The following GPC5 variants were observed in gnomAD, a reference collection of about 807,000 sequenced individuals.
GPC5 encodes the protein glypican-5.
In GPC5, 47 loss-of-function variants were observed where a neutral mutation model predicts 53.9. The ratio of observed to expected loss-of-function variants is 0.87; its 90% CI spans 0.69 to 1.11. GPC5 has a LOEUF of 1.11. GPC5 is among the 50% of genes most tolerant of loss of function. The pLI, the probability that GPC5 is intolerant of heterozygous loss-of-function variation, is 0.00. For missense variants in GPC5, 748 were observed against 713.1 expected (o/e 1.05, Z -0.56); for synonymous variants, 286 against 263.3 (o/e 1.09, Z -0.84).
chr13:91,838,634 A>C (rs535007435), intron 5 of GPC5, among the ~76,000 whole-genome samples: 1 of 152,184 alleles, frequency 6.6e-6, no homozygotes, highest in Admixed American at 6.5e-5. Flanking sequence ...AAGATTGGAA[A>C]TGAATATGGA....
At chr13:92,798,123 G>A (rs577401363) in intron 7 of GPC5, among the ~76,000 whole-genome samples, 13 of 151,924 alleles carry the variant, frequency 8.6e-5, no homozygotes, top group African/African-American at 3.1e-4. Flanking sequence ...TGAAAATGAC[G>A]AGACACAGCA....
At chr13:91,675,736 T>C (rs188144070) in intron 2 of GPC5, among the ~76,000 whole-genome samples, 1 of 152,258 alleles carries the variant, frequency 6.6e-6, no homozygotes, top group Non-Finnish European at 1.5e-5. Context: ...AAAAATGGAC[T>C]GTGTGAAGGG....
At chr13:91,890,353 C>G (rs1386789371) in intron 5 of GPC5, among the ~76,000 whole-genome samples, 1 of 152,118 alleles carries the variant, frequency 6.6e-6, no homozygotes, top group Non-Finnish European at 1.5e-5. Flanking sequence ...AAAAATTTCA[C>G]ATTTTTCTAC....
At chr13:92,039,615 G>A (rs2040926099) in intron 6 of GPC5, among the ~76,000 whole-genome samples, 1 of 152,200 alleles carries the variant, frequency 6.6e-6, no homozygotes, top group Non-Finnish European at 1.5e-5. Context: ...CACAGGCAGG[G>A]TCGCTTAAAT....
At chr13:92,808,146 A>G (rs911392056) in intron 7 of GPC5, among the ~76,000 whole-genome samples, 4 of 139,542 alleles carry the variant, frequency 2.9e-5, no homozygotes, top group Non-Finnish European at 6.1e-5. Flanking sequence ...AAGGAAAAAT[A>G]AACAAAACAT....
intron 6 of GPC5, among the ~76,000 whole-genome samples, chr13:92,112,711 C>A (rs1304055496): frequency 6.6e-6 from 1 of 151,942 alleles, no homozygotes; most frequent in East Asian, 1.9e-4. Flanking sequence ...TTGTAACAGT[C>A]ATTTGTGTCC....
chr13:91,477,469 G>C (rs1882997378), intron 2 of GPC5, among the ~76,000 whole-genome samples: 1 of 152,182 alleles, frequency 6.6e-6, no homozygotes, highest in South Asian at 2.1e-4. Context: ...TGTTTTGACA[G>C]TGGTATGAAT....
At position 92,042,651 on chromosome 13, in the gene GPC5, A is replaced by T. The variant is rs951324938; in HGVS notation, c.1402-102179A>T. 2.8e-4 allele frequency among the ~76,000 whole-genome samples: 43 copies of T among 152,238 alleles called. 1 individual carries two copies. Among genetic ancestry groups the T allele is most frequent in the Admixed American group, 2.7e-3 (42 of 15,280 alleles). ...AGTGAGGGGTAATCAGATTTGCTGC[A>T]ATGTATTATTTTAAATGTTTAATTA... On this transcript the variant is annotated intron_variant, in intron 6 of 7. Coordinates refer to ENST00000377067, the MANE Select transcript of GPC5 (RefSeq NM_004466.6).
chr13:91,736,986 C>A (rs1254346933), intron 4 of GPC5, among the ~76,000 whole-genome samples: 1 of 150,988 alleles, frequency 6.6e-6, no homozygotes, highest in South Asian at 2.1e-4. Context: ...TGATGGTAGT[C>A]CCAGCTATTC....
intron 7 of GPC5, among the ~76,000 whole-genome samples, chr13:92,322,209 G>A (rs1406764695): frequency 1.3e-5 from 2 of 151,954 alleles, no homozygotes; most frequent in Non-Finnish European, 2.9e-5. Flanking sequence ...AGTAAGTGCA[G>A]AGCTTTAGTT....
At chr13:91,406,774 G>A (rs543550952) in intron 1 of GPC5, among the ~76,000 whole-genome samples, 1 of 152,148 alleles carries the variant, frequency 6.6e-6, no homozygotes, top group East Asian at 1.9e-4. Context: ...TCTCTGGAAG[G>A]TCTCCTGTTG....
chr13:91,807,991 A>G (rs1364090875), intron 5 of GPC5, among the ~76,000 whole-genome samples: 3 of 152,142 alleles, frequency 2.0e-5, no homozygotes, highest in Non-Finnish European at 4.4e-5. Context: ...TGTTGAATGT[A>G]TTTGGCATAG....
chr13:91,705,521 A>G (rs749902159), intron 3 of GPC5, among the ~76,000 whole-genome samples: 1 of 152,228 alleles, frequency 6.6e-6, no homozygotes. Flanking sequence ...CAATATGGAT[A>G]GTCTGATTTA....
At chr13:92,459,528 T>C (rs1282090721) in intron 7 of GPC5, among the ~76,000 whole-genome samples, 2 of 152,216 alleles carry the variant, frequency 1.3e-5, no homozygotes, top group East Asian at 1.9e-4. Flanking sequence ...GGTTCAAATA[T>C]GACAAATTTT....
rs35892694 is a variant in GPC5, at chr13:92,513,471, G to GTTT, written c.1562-352801_1562-352799dup. ...AGTTAAAAATCTAAAGCTTTTTTCT[G>GTTT]TTTTTTTTTTTTAATTAAGGCATAT... On this transcript the variant is annotated intron_variant, in intron 7 of 7. Coordinates refer to ENST00000377067, the MANE Select transcript of GPC5 (RefSeq NM_004466.6). Among the ~76,000 whole-genome samples, 24 of 93,434 alleles carry GTTT rather than the reference G, an allele frequency of 2.6e-4. 1 individual carries two copies. Among genetic ancestry groups the GTTT allele is most frequent in the Non-Finnish European group, 2.6e-4 (11 of 41,576 alleles). 61.3% of individuals were successfully genotyped at this position (93,434 alleles called of 152,430 possible).
chr13:92,406,391 AC>A (rs1321749007), intron 7 of GPC5, among the ~76,000 whole-genome samples: 2 of 152,180 alleles, frequency 1.3e-5, no homozygotes, highest in African/African-American at 4.8e-5. Flanking sequence ...TTCTATTTTA[AC>A]CCTTTTTAAA....
intron 7 of GPC5, among the ~76,000 whole-genome samples, chr13:92,321,629 A>G (rs2043216531): frequency 6.6e-6 from 1 of 152,056 alleles, no homozygotes; most frequent in South Asian, 2.1e-4. Flanking sequence ...ACATACATAC[A>G]TACATACATA....
chr13:91,476,515 G>A (rs770023476), intron 2 of GPC5, among the ~76,000 whole-genome samples: 1 of 152,106 alleles, frequency 6.6e-6, no homozygotes, highest in Admixed American at 6.6e-5. Flanking sequence ...TATATATTTT[G>A]TAATACAAAA....
At chr13:91,890,179 T>G (rs148621342) in intron 5 of GPC5, among the ~76,000 whole-genome samples, 1 of 152,322 alleles carries the variant, frequency 6.6e-6, no homozygotes, top group East Asian at 1.9e-4. Flanking sequence ...GAAGTGTTCT[T>G]TTGCGTAAGG....
Sources: gnomAD v4.1 joint callset for allele counts (sites outside exome capture counted in the v4.1 genomes callset) on GRCh38, gnomAD v4.1.1 for gene constraint, MANE v1.5 for transcripts, NCBI Gene and HGNC (gene_info 2026-07-23, HGNC 2026-07-21) for gene names.